Variants in DNAH6 observed in about 807,000 individuals in gnomAD.
DNAH6 encodes the protein axonemal beta dynein heavy chain 6.
In DNAH6, 340 loss-of-function variants were observed where a neutral mutation model predicts 491.4. That is an observed-to-expected ratio of 0.69 (90% confidence interval 0.63 to 0.76). The LOEUF is 0.76. Among genes scored for constraint, DNAH6 ranks in the 30% least tolerant of loss-of-function variants. The pLI, the probability that DNAH6 is intolerant of heterozygous loss-of-function variation, is 0.00. For synonymous variants in DNAH6, 1,603 were observed against 1,686.1 expected (o/e 0.95, Z 1.21); for missense variants, 4,443 against 4,972.2 (o/e 0.89, Z 3.20).
chr2:84,691,522 C>T (rs1196024364), intron 45 of DNAH6, among the ~76,000 whole-genome samples: 1 of 152,160 alleles, frequency 6.6e-6, no homozygotes, highest in East Asian at 1.9e-4. Flanking sequence ...TATGGGTCTT[C>T]GTTGTTCTAG....
intron 10 of DNAH6, among the ~76,000 whole-genome samples, chr2:84,556,733 T>G (rs1680062135): frequency 6.6e-6 from 1 of 152,218 alleles, no homozygotes; most frequent in Non-Finnish European, 1.5e-5. Context: ...CATACCTAAC[T>G]TACCATGAGG....
intron 30 of DNAH6, among the ~76,000 whole-genome samples, chr2:84,636,861 C>T (rs1202679283): frequency 6.6e-6 from 1 of 151,546 alleles, no homozygotes; most frequent in African/African-American, 2.4e-5. Context: ...GCCACTTGCA[C>T]CCCAACCTGG....
At chr2:84,664,395 T>G (rs1481572084) in intron 37 of DNAH6, among the ~76,000 whole-genome samples, 1 of 151,916 alleles carries the variant, frequency 6.6e-6, no homozygotes, top group Non-Finnish European at 1.5e-5. Flanking sequence ...AATAAAGAGA[T>G]GCAGGAAGAT....
chr2:84,655,918 T>C (rs1243059283), intron 35 of DNAH6, among the ~76,000 whole-genome samples: 1 of 152,144 alleles, frequency 6.6e-6, no homozygotes, highest in Non-Finnish European at 1.5e-5. Context: ...GCAGAATAGT[T>C]TCATTGCTCT....
chr2:84,494,555 A>G, the DNAH6 span, among the ~76,000 whole-genome samples: 2 of 152,376 alleles, frequency 1.3e-5, no homozygotes, highest in East Asian at 3.9e-4. Context: ...AGAGATTTAA[A>G]GAAGGAAAAT....
chr2:84,740,608 G>T (rs1284036870), intron 62 of DNAH6, among the ~76,000 whole-genome samples: 1 of 152,134 alleles, frequency 6.6e-6, no homozygotes, highest in African/African-American at 2.4e-5. Context: ...TTTAGGGACA[G>T]TCTGCAGCAA....
chr2:84,777,959 C>T (rs1676310061), intron 64 of DNAH6: 3 of 967,070 alleles, frequency 3.1e-6, no homozygotes, highest in Non-Finnish European at 5.1e-6. Flanking sequence ...CTCACATGCC[C>T]AAGCAGTGAT....
chr2:84,819,328 A>G lies in DNAH6; in HGVS notation c.12397A>G (p.Thr4133Ala). The change falls in exon 77 of 77, where the codon ACC becomes GCC. Residue 4133 changes from threonine (T) to alanine (A), a missense_variant. Around this residue, in one of 3 missense-constraint regions of DNAH6, gnomAD observed 1,463 missense variants for 1,656.6 expected, o/e 0.88. Transcript: ENST00000389394. ...TTGHSTNFVV[T>A]VLLPSKRSKD... Reference sequence around the variant, plus strand: ...AGGACATTCAACCAATTTTGTGGTAACCGTCCTGTTACCCTCCAAGCGGTC... The same window carrying G: ...AGGACATTCAACCAATTTTGTGGTAGCCGTCCTGTTACCCTCCAAGCGGTC... 6.4e-7 allele frequency: 1 copy of G among 1,550,842 alleles called. No homozygotes were observed. The highest frequency in any genetic ancestry group is 8.7e-7 in the Non-Finnish European group (1 of 1,146,582).
At chr2:84,528,839 T>C in intron 3 of DNAH6, 65 bp from the exon 4 acceptor site, 2 of 1,408,082 alleles carry the variant, frequency 1.4e-6, no homozygotes, top group South Asian at 2.8e-5. Context: ...AGGTAATATT[T>C]TGTTGCTCTT....
At chr2:84,623,327 A>G (rs1687569389) in intron 26 of DNAH6, among the ~76,000 whole-genome samples, 1 of 152,156 alleles carries the variant, frequency 6.6e-6, no homozygotes, top group South Asian at 2.1e-4. Context: ...AAAGGAAAAT[A>G]TTTACAAACG....
intron 58 of DNAH6, among the ~76,000 whole-genome samples, chr2:84,717,569 G>T (rs773505082): frequency 2.0e-5 from 3 of 150,488 alleles, no homozygotes; most frequent in African/African-American, 4.9e-5. Flanking sequence ...CCCACCTTAT[G>T]GGGGGGGCAT....
intron 64 of DNAH6, among the ~76,000 whole-genome samples, chr2:84,765,819 A>T (rs1675022995): frequency 6.6e-6 from 1 of 152,120 alleles, no homozygotes. Context: ...TGCTATTTAG[A>T]AACCACATGT....
chr2:84,809,564 T>C (rs1679762560), intron 72 of DNAH6, among the ~76,000 whole-genome samples: 1 of 152,138 alleles, frequency 6.6e-6, no homozygotes, highest in African/African-American at 2.4e-5. Context: ...TTTCCTTCTA[T>C]ATTGAATGAA....
At chr2:84,753,755 T>TAAAAAAAAAAAAAAAAAAAAA (rs1162541312) in intron 63 of DNAH6, among the ~76,000 whole-genome samples, 5 of 77,128 alleles carry the variant, frequency 6.5e-5, no homozygotes, top group Non-Finnish European at 9.0e-5. Context: ...GAAACTCTGT[T>TAAAAAAAAAAAAAAAAAAAAA]AAAAAAAAAA....
At chr2:84,514,884 C>CACACACACACACAG (rs1352642283), upstream of DNAH6, among the ~76,000 whole-genome samples, 2 of 151,804 alleles carry the variant, frequency 1.3e-5, no homozygotes, top group Non-Finnish European at 1.5e-5. Flanking sequence ...CACACACACA[C>CACACACACACACAG]ACACACACAC....
intron 43 of DNAH6, 55 bp downstream of exon 43, chr2:84,685,527 G>T: frequency 1.7e-6 from 2 of 1,191,902 alleles, no homozygotes; most frequent in Non-Finnish European, 2.2e-6. Flanking sequence ...AAGCAATTTG[G>T]TTTCTACAAA....
chr2:84,752,702 A>G (rs1352376562), intron 63 of DNAH6, among the ~76,000 whole-genome samples: 1 of 151,726 alleles, frequency 6.6e-6, no homozygotes, highest in Non-Finnish European at 1.5e-5. Flanking sequence ...CATTTAACAT[A>G]ATATTTTAAA....
At chr2:84,550,657 CA>C (rs1411183930) in intron 9 of DNAH6, among the ~76,000 whole-genome samples, 1 of 152,112 alleles carries the variant, frequency 6.6e-6, no homozygotes, top group African/African-American at 2.4e-5. Context: ...TGTTCATTGA[CA>C]TATTTCTTAA....
intron 45 of DNAH6, among the ~76,000 whole-genome samples, chr2:84,693,395 G>A (rs1025024593): frequency 4.6e-5 from 7 of 151,994 alleles, no homozygotes; most frequent in Non-Finnish European, 8.8e-5. Flanking sequence ...AATTTGGGGG[G>A]GTTTCCCTCC....
Sources: gnomAD v4.1 joint callset for allele counts (sites outside exome capture counted in the v4.1 genomes callset) on GRCh38, gnomAD v4.1.1 for gene constraint, gnomAD v4.1.1 regional missense constraint, MANE v1.5 for transcripts, NCBI Gene and HGNC (gene_info 2026-07-23, HGNC 2026-07-21) for gene names.